DIS3L2: variants seen among roughly 807,000 people sequenced by gnomAD.
DIS3L2 encodes DIS3 like 3'-5' exoribonuclease 2.
Under a neutral mutation model 97.5 loss-of-function variants are expected in DIS3L2, and 34 were observed. That is an observed-to-expected ratio of 0.35 (90% CI 0.27 to 0.46). DIS3L2 has a LOEUF of 0.46. Among genes scored for constraint, DIS3L2 ranks in the 20% least tolerant of loss-of-function variants. The pLI, the probability that DIS3L2 is intolerant of heterozygous loss-of-function variation, is 1.00. For synonymous variants in DIS3L2, 435 were observed against 445.2 expected (o/e 0.98, Z 0.29); for missense variants, 1,038 against 1,146.0 (o/e 0.91, Z 1.36).
rs1312123929 is a variant in DIS3L2 at position 232,325,508 on chromosome 2, C to G, written c.1740-4305C>G. ...GCCTCCCCCTCCCCACCCCCTCCTG[C>G]CCCAGGGAGGCCCAGAACCAGGGAG... On this transcript the variant is annotated intron_variant, in intron 14 of 20. Transcript: ENST00000325385. This position sits in a 1 kb window ranked among gnomAD's most constrained non-coding sequence, Gnocchi z 4.6. Among the ~76,000 whole-genome samples, 2 of 152,174 alleles carry G rather than the reference C, an allele frequency of 1.3e-5. No homozygotes were observed. Among genetic ancestry groups the G allele is most frequent in the Non-Finnish European group, 2.9e-5 (2 of 68,032 alleles).
At chr2:232,010,579 C>T (rs1479178400) in intron 1 of DIS3L2, among the ~76,000 whole-genome samples, 2 of 151,570 alleles carry the variant, frequency 1.3e-5, no homozygotes, top group Non-Finnish European at 2.9e-5. Flanking sequence ...CTTTTGCTTT[C>T]CATTGGCTCA....
At chr2:232,326,829 C>T (rs1180690551) in intron 14 of DIS3L2, among the ~76,000 whole-genome samples, 1 of 151,680 alleles carries the variant, frequency 6.6e-6, no homozygotes, top group Non-Finnish European at 1.5e-5. Context: ...GCCTCTCCTC[C>T]ATAGCCTCAC....
At chr2:232,225,497 T>C (rs1025716098) in intron 10 of DIS3L2, among the ~76,000 whole-genome samples, 1 of 152,160 alleles carries the variant, frequency 6.6e-6, no homozygotes, top group Non-Finnish European at 1.5e-5. Context: ...AATCTAGTTA[T>C]GTAAAATACA....
chr2:232,337,356 T>C (rs1398875116), downstream of DIS3L2, among the ~76,000 whole-genome samples: 3 of 152,066 alleles, frequency 2.0e-5, no homozygotes, highest in East Asian at 5.8e-4. Flanking sequence ...CAGCACTCTG[T>C]GAGGTCCTGT....
downstream of DIS3L2, among the ~76,000 whole-genome samples, chr2:232,341,467 ACAG>A (rs974057925): frequency 9.9e-5 from 15 of 152,052 alleles, no homozygotes; most frequent in African/African-American, 3.6e-4. Context: ...TCCAGAGAAA[ACAG>A]CAGTGCAAGC....
chr2:232,015,756 T>C, intron 3 of DIS3L2, 85 bp downstream of exon 3: 1 of 1,498,014 alleles, frequency 6.7e-7, no homozygotes, highest in Non-Finnish European at 9.0e-7. Context: ...CTGTGCTATA[T>C]GCTTTCAGAG....
At chr2:232,169,537 T>G (rs969261303) in intron 9 of DIS3L2, among the ~76,000 whole-genome samples, 1 of 152,112 alleles carries the variant, frequency 6.6e-6, no homozygotes, top group Non-Finnish European at 1.5e-5. Context: ...ATCTGAGAAA[T>G]GAGCAGGTAT....
At chr2:232,284,774 T>G (rs1694383095) in intron 13 of DIS3L2, among the ~76,000 whole-genome samples, 1 of 152,142 alleles carries the variant, frequency 6.6e-6, no homozygotes, top group Non-Finnish European at 1.5e-5. Flanking sequence ...ATCTACACCA[T>G]GCAGGCCCCT....
At chr2:231,965,887 C>T (rs376845399) in intron 1 of DIS3L2, among the ~76,000 whole-genome samples, 45 of 152,112 alleles carry the variant, frequency 3.0e-4, no homozygotes, top group East Asian at 1.2e-3. Context: ...GGTGAGATCA[C>T]GGCTTACTGT....
At chr2:232,329,785 T>TGCCCGGGGGGGGGGCCCCC in intron 14 of DIS3L2, 28 bp from the exon 15 acceptor site, 19 of 967,118 alleles carry the variant, frequency 2.0e-5, no homozygotes, top group Admixed American at 3.4e-5. Flanking sequence ...ACCCCAGCGG[T>TGCCCGGGGGGGGGGCCCCC]CCCTCCCATC....
At chr2:232,110,285 C>T (rs1317395041) in intron 6 of DIS3L2, among the ~76,000 whole-genome samples, 4 of 152,110 alleles carry the variant, frequency 2.6e-5, no homozygotes, top group Admixed American at 6.6e-5. Flanking sequence ...GACAGTATGG[C>T]GATTCCTCAA....
intron 5 of DIS3L2, among the ~76,000 whole-genome samples, chr2:232,079,126 A>T (rs528854903): frequency 6.6e-6 from 1 of 152,178 alleles, no homozygotes; most frequent in African/African-American, 2.4e-5. Flanking sequence ...TAATTGTCAT[A>T]TTTGTTGATT....
chr2:232,050,812 C>A (rs942213836), intron 5 of DIS3L2, among the ~76,000 whole-genome samples: 9 of 152,158 alleles, frequency 5.9e-5, no homozygotes, highest in Admixed American at 5.9e-4. Context: ...ATTTGGAGAC[C>A]ATTGCAGAAA....
chr2:231,988,885 A>G (rs567762568), intron 1 of DIS3L2, among the ~76,000 whole-genome samples: 73 of 152,212 alleles, frequency 4.8e-4, no homozygotes, highest in Non-Finnish European at 9.4e-4. Context: ...GAACACTGAC[A>G]TTTTATTTGA....
chr2:232,051,685 G>A (rs1237619067), intron 5 of DIS3L2, among the ~76,000 whole-genome samples: 4 of 149,630 alleles, frequency 2.7e-5, no homozygotes, highest in South Asian at 2.1e-4. Context: ...AGTGGCGGGC[G>A]CCTGTAGTCC....
intron 11 of DIS3L2, among the ~76,000 whole-genome samples, chr2:232,245,725 T>C (rs547363333): frequency 6.6e-6 from 1 of 152,324 alleles, no homozygotes; most frequent in African/African-American, 2.4e-5. Flanking sequence ...TAACTGACCA[T>C]TGCAGTGTGA....
chr2:231,989,758 C>T (rs1020786591), intron 1 of DIS3L2, among the ~76,000 whole-genome samples: 1 of 152,064 alleles, frequency 6.6e-6, no homozygotes, highest in African/African-American at 2.4e-5. Context: ...TTACTTGAGC[C>T]CGGGAGGTTG....
At chr2:232,256,943 C>G (rs536250923) in intron 12 of DIS3L2, among the ~76,000 whole-genome samples, 1 of 152,150 alleles carries the variant, frequency 6.6e-6, no homozygotes, top group Admixed American at 6.5e-5. Context: ...CATGGTGAAA[C>G]CCTGTCTCTA....
intron 9 of DIS3L2, among the ~76,000 whole-genome samples, chr2:232,193,619 T>C (rs1346947839): frequency 6.6e-6 from 1 of 152,198 alleles, no homozygotes; most frequent in Non-Finnish European, 1.5e-5. Context: ...CTCTTTTATG[T>C]CCCCATTTCA....
Sources: gnomAD v4.1 joint callset for allele counts (sites outside exome capture counted in the v4.1 genomes callset) on GRCh38, gnomAD v4.1.1 for gene constraint, Gnocchi (gnomAD v3.1) non-coding constraint, MANE v1.5 for transcripts, NCBI Gene and HGNC (gene_info 2026-07-23, HGNC 2026-07-21) for gene names.